The following LINGO2 variants were observed in gnomAD, a reference collection of about 807,000 sequenced individuals.
The protein encoded by LINGO2 is leucine-rich repeat and immunoglobulin-like domain-containing nogo receptor-interacting protein 2.
LINGO2 carries 14 observed loss-of-function variants against 30.6 expected under a neutral mutation model. The observed-to-expected ratio is 0.46, with a 90% CI of 0.30 to 0.72. The LOEUF is 0.72. Ranked by LOEUF, LINGO2 falls within the 30% of genes least tolerant of loss-of-function variation. LINGO2 has a pLI of 0.07. For missense variants in LINGO2, 729 were observed against 751.7 expected (o/e 0.97, Z 0.35); for synonymous variants, 317 against 288.5 (o/e 1.10, Z -1.00).
chr9:29,136,011 A>G, the LINGO2 span, among the ~76,000 whole-genome samples: 1 of 152,186 alleles, frequency 6.6e-6, no homozygotes. Context: ...ATGACCCAAC[A>G]TGGCCAGCTC....
At chr9:28,915,562 AC>A in the LINGO2 span, among the ~76,000 whole-genome samples, 1 of 152,212 alleles carries the variant, frequency 6.6e-6, no homozygotes, top group African/African-American at 2.4e-5. Flanking sequence ...GTTGGGCCTC[AC>A]TTAACTTAAA....
At chr9:28,316,869 A>T (rs1824863926) in intron 3 of LINGO2, among the ~76,000 whole-genome samples, 1 of 152,170 alleles carries the variant, frequency 6.6e-6, no homozygotes, top group Non-Finnish European at 1.5e-5. Flanking sequence ...AAGCACCCTT[A>T]TCTGCTAGCC....
intron 1 of LINGO2, among the ~76,000 whole-genome samples, chr9:28,494,365 C>T (rs899654404): frequency 5.9e-5 from 9 of 152,204 alleles, no homozygotes; most frequent in East Asian, 3.9e-4. Context: ...TATCCCTCCT[C>T]CTTCCCCCCA....
chr9:28,819,566 T>G, the LINGO2 span, among the ~76,000 whole-genome samples: 1 of 152,230 alleles, frequency 6.6e-6, no homozygotes, highest in Non-Finnish European at 1.5e-5. Context: ...CTACTTATTC[T>G]GAATCCTGGA....
chr9:28,842,985 C>A, the LINGO2 span, among the ~76,000 whole-genome samples: 1 of 151,662 alleles, frequency 6.6e-6, no homozygotes, highest in Admixed American at 6.6e-5. Flanking sequence ...TTGCTATGTT[C>A]CTAATGATAT....
chr9:28,054,819 TTACTA>T (rs371380978), intron 4 of LINGO2, among the ~76,000 whole-genome samples: 6 of 152,250 alleles, frequency 3.9e-5, no homozygotes, highest in Middle Eastern at 3.4e-3. Context: ...TTCCTTAAGT[TTACTA>T]TACTAAATCT....
At chr9:28,205,601 T>C (rs964655905) in intron 4 of LINGO2, among the ~76,000 whole-genome samples, 2 of 152,160 alleles carry the variant, frequency 1.3e-5, no homozygotes, top group Non-Finnish European at 2.9e-5. Context: ...TCAATAAATA[T>C]TAGTGAAAAT....
At chr9:28,564,745 T>C (rs1823278241) in intron 1 of LINGO2, among the ~76,000 whole-genome samples, 1 of 152,132 alleles carries the variant, frequency 6.6e-6, no homozygotes, top group African/African-American at 2.4e-5. Flanking sequence ...TTAATGCAAT[T>C]GTTACCGGCG....
chr9:29,076,448 A>C, the LINGO2 span, among the ~76,000 whole-genome samples: 3 of 151,606 alleles, frequency 2.0e-5, no homozygotes, highest in African/African-American at 7.3e-5. Context: ...AAATATAAAA[A>C]CTGAAAAAGG....
chr9:28,632,236 T>C, intron 1 of LINGO2, among the ~76,000 whole-genome samples: 1 of 151,980 alleles, frequency 6.6e-6, no homozygotes, highest in African/African-American at 2.4e-5. Flanking sequence ...GAAGACAGAA[T>C]TGCATACGTT....
the LINGO2 span, among the ~76,000 whole-genome samples, chr9:29,212,175 G>A: frequency 6.6e-6 from 1 of 152,094 alleles, no homozygotes; most frequent in African/African-American, 2.4e-5. Context: ...GAGCTCAGCC[G>A]GGTTCGGACC....
chr9:28,562,311 T>C (rs1202843620), intron 1 of LINGO2, among the ~76,000 whole-genome samples: 1 of 151,932 alleles, frequency 6.6e-6, no homozygotes, highest in Non-Finnish European at 1.5e-5. Flanking sequence ...TGGTGAATTA[T>C]TCTCAGTGAG....
At chr9:28,913,164 A>G in the LINGO2 span, among the ~76,000 whole-genome samples, 1 of 152,122 alleles carries the variant, frequency 6.6e-6, no homozygotes, top group Non-Finnish European at 1.5e-5. Flanking sequence ...ATTTTGAGGT[A>G]GACAATCTCA....
chr9:28,030,116 A>C (rs1823592941), intron 4 of LINGO2, among the ~76,000 whole-genome samples: 1 of 152,190 alleles, frequency 6.6e-6, no homozygotes, highest in Non-Finnish European at 1.5e-5. Flanking sequence ...ATTGGCTATC[A>C]CTGATCATTC....
intron 4 of LINGO2, among the ~76,000 whole-genome samples, chr9:28,101,633 T>G (rs1043279719): frequency 2.0e-5 from 3 of 152,144 alleles, no homozygotes; most frequent in African/African-American, 7.2e-5. Context: ...ATCTCCTGGG[T>G]ATTGGTTGCA....
intron 5 of LINGO2, among the ~76,000 whole-genome samples, chr9:27,993,227 C>CT (rs1275632363): frequency 6.6e-6 from 1 of 151,930 alleles, no homozygotes; most frequent in Admixed American, 6.6e-5. Flanking sequence ...TTTTCTTTGC[C>CT]TTTTCACATG....
chr9:28,812,500 T>A, the LINGO2 span, among the ~76,000 whole-genome samples: 1 of 152,182 alleles, frequency 6.6e-6, no homozygotes, highest in Admixed American at 6.5e-5. Flanking sequence ...ACAATGTCTA[T>A]GCAAATTCCT....
the LINGO2 span, among the ~76,000 whole-genome samples, chr9:28,704,448 T>C: frequency 1.3e-5 from 2 of 152,058 alleles, no homozygotes; most frequent in Non-Finnish European, 2.9e-5. Flanking sequence ...GTGTGCTTCC[T>C]GGATCTGTGG....
At chr9:28,314,707 G>A (rs893372429) in intron 3 of LINGO2, among the ~76,000 whole-genome samples, 2 of 152,108 alleles carry the variant, frequency 1.3e-5, no homozygotes, top group African/African-American at 4.8e-5. Flanking sequence ...ATATGAGGCC[G>A]GGCGCGGTGG....
Sources: gnomAD v4.1 joint callset for allele counts (sites outside exome capture counted in the v4.1 genomes callset) on GRCh38, gnomAD v4.1.1 for gene constraint, MANE v1.5 for transcripts, NCBI Gene and HGNC (gene_info 2026-07-23, HGNC 2026-07-21) for gene names.